Variants in ST8SIA5 observed in about 807,000 individuals in gnomAD.
ST8SIA5 encodes alpha-2,8-sialyltransferase 8E.
Under a neutral mutation model 40.2 loss-of-function variants are expected in ST8SIA5, and 24 were observed. That is an observed-to-expected ratio of 0.60 (90% CI 0.43 to 0.84). The LOEUF (loss-of-function observed/expected upper bound fraction) is 0.84. Ranked by LOEUF, ST8SIA5 falls within the 40% of genes least tolerant of loss-of-function variation. ST8SIA5 has a pLI of 0.00. For missense variants in ST8SIA5, 465 were observed against 498.5 expected, an observed-to-expected ratio of 0.93 and a Z score of 0.64; for synonymous variants, 198 against 201.8, an observed-to-expected ratio of 0.98 and a Z score of 0.16.
At chr18:46,744,960 T>G (rs1186855089) in intron 1 of ST8SIA5, among the ~76,000 whole-genome samples, 3 of 152,204 alleles carry the variant, frequency 2.0e-5, no homozygotes, top group Non-Finnish European at 2.9e-5. Context: ...TGCTCCTGAA[T>G]GACTACTGGG....
chr18:46,692,903 GACAA>G (rs2039521529), intron 2 of ST8SIA5, among the ~76,000 whole-genome samples: 1 of 120,800 alleles, frequency 8.3e-6, no homozygotes, highest in African/African-American at 3.3e-5. Flanking sequence ...CCAGGTATCG[GACAA>G]ACAGAGGCAG....
chr18:46,722,012 G>A (rs1286212814), intron 1 of ST8SIA5, among the ~76,000 whole-genome samples: 1 of 152,168 alleles, frequency 6.6e-6, no homozygotes, highest in Non-Finnish European at 1.5e-5. Context: ...TGCATGTCGG[G>A]AGAAGGCCAT....
At chr18:46,724,970 A>G (rs2039899553) in intron 1 of ST8SIA5, among the ~76,000 whole-genome samples, 1 of 143,822 alleles carries the variant, frequency 7.0e-6, no homozygotes, top group African/African-American at 2.5e-5. Context: ...GCAAGACGAA[A>G]GAAAGGAAGA....
Position 46,672,630 on chromosome 18 carries a change from AAAAG to A in ST8SIA5, c.*7408_*7411del, listed in dbSNP as rs1262798057. 6.6e-6 allele frequency: 1 copy of A among 152,154 alleles called. No individual in the cohort carries two copies. The highest frequency in any genetic ancestry group is 2.4e-5 in the African/African-American group (1 of 41,432). 9.4% of individuals were successfully genotyped at this position (152,154 alleles called of 1,614,324 possible). ...TTTTCCTTTGAAATAAAAAAAAAAA[AAAAG>A]AAAGGTTCTCAGAAGAGACTGTGCA... On this transcript the variant is annotated 3_prime_UTR_variant, in exon 7 of 7. Coordinates refer to ENST00000315087, the MANE Select transcript of ST8SIA5 (RefSeq NM_013305.6).
intron 1 of ST8SIA5, among the ~76,000 whole-genome samples, chr18:46,725,826 A>T (rs1449738548): frequency 6.6e-6 from 1 of 151,242 alleles, no homozygotes; most frequent in Non-Finnish European, 1.5e-5. Flanking sequence ...GACAAAATGA[A>T]AAAACATTTC....
rs141155596 is a variant in ST8SIA5, at chr18:46,682,466, G to A, written c.570-402C>T. Among the ~76,000 whole-genome samples the A allele has an allele frequency of 6.3e-3, 961 of 152,338 alleles. 31 individuals are homozygous for A. Among genetic ancestry groups the A allele is most frequent in the Admixed American group, 0.044 (677 of 15,302 alleles). On this transcript the variant is annotated intron_variant, in intron 5 of 6. Transcript: ENST00000315087. ...GGTCTGAAGGAGGAATTGAGCAAAT[G>A]TCCTGTGGCAGGAGAAGAGCTACAT...
At chr18:46,754,829 C>T (rs2040226484) in intron 1 of ST8SIA5, among the ~76,000 whole-genome samples, 1 of 152,226 alleles carries the variant, frequency 6.6e-6, no homozygotes, top group African/African-American at 2.4e-5. Flanking sequence ...CGGGAGGGGG[C>T]AGGAACCCAG....
chr18:46,733,437 A>T (rs2040003719), intron 1 of ST8SIA5, among the ~76,000 whole-genome samples: 1 of 152,172 alleles, frequency 6.6e-6, no homozygotes, highest in African/African-American at 2.4e-5. Context: ...TTGGTCCAAC[A>T]GCCATCCCAG....
chr18:46,713,470 G>T (rs1034213360), intron 1 of ST8SIA5, among the ~76,000 whole-genome samples: 2 of 152,158 alleles, frequency 1.3e-5, no homozygotes, highest in South Asian at 2.1e-4. Flanking sequence ...GGTCAGGGCT[G>T]GGGATGCACA....
chr18:46,751,561 T>A (rs1034421647), intron 1 of ST8SIA5, among the ~76,000 whole-genome samples: 2 of 151,970 alleles, frequency 1.3e-5, no homozygotes, highest in African/African-American at 4.8e-5. Flanking sequence ...CACACCTGGC[T>A]AATTTTTGTA....
Position 46,678,179 on chromosome 18 carries a change from A to G in ST8SIA5, c.*1863T>C, listed in dbSNP as rs1268180461. The G allele has an allele frequency of 6.6e-6, 1 of 152,226 alleles. No homozygotes were observed. Among genetic ancestry groups the G allele is most frequent in the East Asian group, 1.9e-4 (1 of 5,202 alleles). 9.4% of individuals were successfully genotyped at this position (152,226 alleles called of 1,614,324 possible). A position where few individuals can be genotyped will look rare whatever the true frequency, so the allele number is the denominator to read the frequency against. On this transcript the variant is annotated 3_prime_UTR_variant, in exon 7 of 7. Transcript: ENST00000315087. Reference sequence around the variant, plus strand: ...TTCATCCCCTTGGCTACTCCCCTACATTCCTGACCAGCAGACTGAGACTCA... The same window carrying G: ...TTCATCCCCTTGGCTACTCCCCTACGTTCCTGACCAGCAGACTGAGACTCA...
Position 46,668,334 on chromosome 18 carries a change from C to CA in ST8SIA5, c.*11707dup. 6.6e-6 allele frequency: 1 copy of CA among 152,378 alleles called. No individual in the cohort carries two copies. Among genetic ancestry groups the CA allele is most frequent in the South Asian group, 2.1e-4 (1 of 4,826 alleles). 9.4% of individuals were successfully genotyped at this position (152,378 alleles called of 1,614,324 possible). On this transcript the variant is annotated 3_prime_UTR_variant, in exon 7 of 7. Transcript: ENST00000315087. ...GAGGCCACTCAGAAATGAGCCGGTG[C>CA]ACCAGCCACTCAGAGAGAGACCCGG...
intron 1 of ST8SIA5, among the ~76,000 whole-genome samples, chr18:46,741,964 T>C (rs919225009): frequency 7.9e-5 from 12 of 151,930 alleles, no homozygotes; most frequent in South Asian, 2.1e-4. Context: ...TAGCTGGGCA[T>C]GGTGGCGCAT....
intron 1 of ST8SIA5, among the ~76,000 whole-genome samples, chr18:46,729,598 G>A (rs2039966594): frequency 6.6e-6 from 1 of 152,190 alleles, no homozygotes; most frequent in Non-Finnish European, 1.5e-5. Flanking sequence ...TCCCACCCAA[G>A]AGACAAGTTT....
intron 1 of ST8SIA5, 117 bp from the exon 2 acceptor site, chr18:46,704,781 C>T: frequency 1.2e-6 from 1 of 843,958 alleles, no homozygotes; most frequent in Non-Finnish European, 1.9e-6. Context: ...AGCCAACCAG[C>T]CCCATCCCAG....
chr18:46,680,588 T>C lies in ST8SIA5; in HGVS notation c.663-78A>G, dbSNP rs1293878913. ...CCCTCGCTTCCCCACCCTTGCACCCTGGGGCTTTGCAAAGGACGGAAGGGA... is the reference window on the plus strand; with the variant it reads ...CCCTCGCTTCCCCACCCTTGCACCCCGGGGCTTTGCAAAGGACGGAAGGGA... On this transcript the variant is annotated intron_variant, in intron 6 of 6. Coordinates refer to ENST00000315087, the MANE Select transcript of ST8SIA5 (RefSeq NM_013305.6). The C allele has an allele frequency of 3.5e-6, 5 of 1,423,036 alleles. No homozygotes were observed. The African/African-American group carries it at 7.2e-5, about 20-fold the overall frequency. The allele number at this position is 1,423,036 out of a possible 1,614,324, so 88.2% of individuals were successfully genotyped here. A position where few individuals can be genotyped will look rare whatever the true frequency, so the allele number is the denominator to read the frequency against.
Position 46,680,035 on chromosome 18 carries a change from G to A in ST8SIA5, c.*7C>T. 1 of 1,594,330 alleles carries A rather than the reference G, an allele frequency of 6.3e-7. No homozygotes were observed. Among genetic ancestry groups the A allele is most frequent in the East Asian group, 2.2e-5 (1 of 44,660 alleles). ...CGCCGCTTGCCGGGCAGCCTGGCTG[G>A]CAGCCATCAGCAGCAGCTGCAGGTG... On this transcript the variant is annotated 3_prime_UTR_variant, in exon 7 of 7. Coordinates refer to ENST00000315087, the MANE Select transcript of ST8SIA5 (RefSeq NM_013305.6).
At position 46,668,471 on chromosome 18, in the gene ST8SIA5, C is replaced by T. The variant is rs28527202; in HGVS notation, c.*11571G>A. 0.022 allele frequency: 3,433 copies of T among 152,796 alleles called. 96 individuals are homozygous for T. Among genetic ancestry groups the T allele is most frequent in the African/African-American group, 0.067 (2,766 of 41,558 alleles). 9.5% of individuals were successfully genotyped at this position (152,796 alleles called of 1,614,324 possible). On this transcript the variant is annotated 3_prime_UTR_variant, in exon 7 of 7. Transcript: ENST00000315087. ...ACCTGGCTCCAGGGCAAAAGGTTTCCACAGCTCCCATGCTGACTCCAGCAT... is the reference window on the plus strand; with the variant it reads ...ACCTGGCTCCAGGGCAAAAGGTTTCTACAGCTCCCATGCTGACTCCAGCAT...
intron 3 of ST8SIA5, 146 bp from the exon 4 acceptor site, chr18:46,689,065 C>A: frequency 1.0e-6 from 1 of 958,524 alleles, no homozygotes. Context: ...TGCATGGAGC[C>A]GAGGCCTCTC....
Sources: gnomAD v4.1 joint callset for allele counts (sites outside exome capture counted in the v4.1 genomes callset) on GRCh38, gnomAD v4.1.1 for gene constraint, MANE v1.5 for transcripts, NCBI Gene and HGNC (gene_info 2026-07-23, HGNC 2026-07-21) for gene names.